The following DYNC2H1 variants were observed in gnomAD, a reference collection of about 807,000 sequenced individuals.
DYNC2H1 encodes cytoplasmic dynein 2 heavy chain 1.
DYNC2H1 carries 410 observed loss-of-function variants against 570.0 expected under a neutral mutation model. The ratio of observed to expected loss-of-function variants is 0.72; its 90% CI spans 0.66 to 0.78. The LOEUF (loss-of-function observed/expected upper bound fraction) is 0.78. DYNC2H1 is among the 30% of genes least tolerant of loss of function. The probability of loss-of-function intolerance (pLI) is 0.00; values close to 1 mark genes in which losing one functional copy is unlikely to be tolerated. For missense variants in DYNC2H1, 4,865 were observed against 5,046.4 expected (o/e 0.96, Z 1.09); for synonymous variants, 1,688 against 1,677.6 (o/e 1.01, Z -0.15).
chr11:103,342,338 T>C (rs1208783618), intron 82 of DYNC2H1, among the ~76,000 whole-genome samples: 1 of 152,020 alleles, frequency 6.6e-6, no homozygotes, highest in Non-Finnish European at 1.5e-5. Context: ...CAGCACTCTG[T>C]AAAATGGACC....
chr11:103,340,383 A>T (rs1939384721), intron 82 of DYNC2H1, among the ~76,000 whole-genome samples: 1 of 141,462 alleles, frequency 7.1e-6, no homozygotes, highest in South Asian at 2.4e-4. Flanking sequence ...TGACATTTTG[A>T]CATTGAGAAA....
chr11:103,128,818 T>C, intron 12 of DYNC2H1, 92 bp from the exon 13 acceptor site: 1 of 1,107,136 alleles, frequency 9.0e-7, no homozygotes, highest in Admixed American at 2.9e-5. Flanking sequence ...ATTTTAGGAT[T>C]GAGAAAAGTT....
intron 20 of DYNC2H1, among the ~76,000 whole-genome samples, chr11:103,150,649 C>T (rs1056510050): frequency 1.3e-5 from 2 of 152,142 alleles, no homozygotes; most frequent in African/African-American, 4.8e-5. Context: ...TTCTTTCTAT[C>T]TATGATACTT....
chr11:103,134,147 G>A (rs751369044), intron 14 of DYNC2H1, among the ~76,000 whole-genome samples, 174 bp from the exon 15 acceptor site: 2 of 152,154 alleles, frequency 1.3e-5, no homozygotes, highest in Non-Finnish European at 2.9e-5. Flanking sequence ...GGCAGGAATA[G>A]CACAGAAGTG....
intron 84 of DYNC2H1, among the ~76,000 whole-genome samples, chr11:103,427,293 A>T (rs1454013873): frequency 6.6e-6 from 1 of 152,150 alleles, no homozygotes; most frequent in Non-Finnish European, 1.5e-5. Flanking sequence ...AGTAAATATT[A>T]TTTCAATAAA....
At chr11:103,432,430 A>G (rs572602998) in intron 84 of DYNC2H1, among the ~76,000 whole-genome samples, 3 of 152,250 alleles carry the variant, frequency 2.0e-5, no homozygotes, top group Non-Finnish European at 2.9e-5. Flanking sequence ...ATAACTGGCC[A>G]CTATGTCCTC....
intron 75 of DYNC2H1, among the ~76,000 whole-genome samples, chr11:103,291,363 CA>C (rs1866589886): frequency 6.6e-6 from 1 of 152,066 alleles, no homozygotes; most frequent in Non-Finnish European, 1.5e-5. Flanking sequence ...GCTTGACCCA[CA>C]AGGCGAAGGG....
rs1310414953 is a variant in DYNC2H1, at chr11:103,184,824, G to A, written c.6478-72G>A. ...TTCTTGAAAAGGTATGTGAACATCA[G>A]TCTGTATGGTTCTATGTTTACTGGT... is the stretch of plus-strand genomic sequence containing the variant. On this transcript the variant is annotated intron_variant, in intron 40 of 88. Coordinates refer to ENST00000375735, the MANE Select transcript of DYNC2H1 (RefSeq NM_001377.3). 63 of 1,512,042 alleles carry A rather than the reference G, an allele frequency of 4.2e-5. No individual in the cohort carries two copies. The East Asian group carries it at 1.4e-3, about 34-fold the overall frequency. 93.7% of individuals were successfully genotyped at this position (1,512,042 alleles called of 1,614,324 possible).
intron 22 of DYNC2H1, 75 bp downstream of exon 22, chr11:103,153,583 T>C (rs1860674003): frequency 1.6e-6 from 2 of 1,289,534 alleles, no homozygotes; most frequent in Non-Finnish European, 2.1e-6. Flanking sequence ...AATTTTCTTA[T>C]GTCTGTTATC....
intron 54 of DYNC2H1, among the ~76,000 whole-genome samples, chr11:103,212,935 T>A (rs974447595): frequency 3.3e-5 from 5 of 152,162 alleles, no homozygotes; most frequent in African/African-American, 1.2e-4. Flanking sequence ...AAAATTCATA[T>A]GGAAAAAACT....
intron 87 of DYNC2H1, among the ~76,000 whole-genome samples, chr11:103,458,952 G>A (rs1944896128): frequency 6.6e-6 from 1 of 151,906 alleles, no homozygotes; most frequent in Admixed American, 6.6e-5. Context: ...GATTACAGGC[G>A]TGAGCCATTG....
At chr11:103,194,874 C>T (rs1485786702) in intron 47 of DYNC2H1, among the ~76,000 whole-genome samples, 3 of 152,056 alleles carry the variant, frequency 2.0e-5, no homozygotes, top group Admixed American at 1.3e-4. Flanking sequence ...TGCACCACCT[C>T]GCCCAGCTAA....
Position 103,241,592 on chromosome 11 carries a change from G to T in DYNC2H1, c.9820-2101G>T. The T allele has an allele frequency of 6.8e-7, 1 of 1,470,800 alleles. No homozygotes were observed. 91.1% of individuals were successfully genotyped at this position (1,470,800 alleles called of 1,614,324 possible). A position where few individuals can be genotyped will look rare whatever the true frequency, so the allele number is the denominator to read the frequency against. ...TTAAAATAATTACTTTTGTAGTTAG[G>T]CAAAATGCAGAATTGTGAAATGTGT... On this transcript the variant is annotated intron_variant, in intron 63 of 88. Transcript: ENST00000375735. This position sits in a 1 kb window ranked among gnomAD's most constrained non-coding sequence, Gnocchi z 5.1.
intron 83 of DYNC2H1, among the ~76,000 whole-genome samples, chr11:103,386,450 CCA>C (rs111771901): frequency 4.0e-5 from 6 of 150,774 alleles, no homozygotes; most frequent in Admixed American, 2.6e-4. Context: ...TTAAAACACA[CCA>C]CACACACACA....
At chr11:103,154,211 G>A (rs1284438536) in intron 22 of DYNC2H1, among the ~76,000 whole-genome samples, 1 of 151,848 alleles carries the variant, frequency 6.6e-6, no homozygotes, top group Non-Finnish European at 1.5e-5. Flanking sequence ...TGGAAAAAAT[G>A]TATATTAATG....
intron 73 of DYNC2H1, among the ~76,000 whole-genome samples, chr11:103,284,191 C>T (rs995423624): frequency 2.0e-5 from 3 of 152,130 alleles, no homozygotes; most frequent in Non-Finnish European, 4.4e-5. Context: ...AATCCCTGTA[C>T]CCCTGATATT....
chr11:103,331,091 C>T (rs563665562), intron 82 of DYNC2H1, among the ~76,000 whole-genome samples: 2 of 152,070 alleles, frequency 1.3e-5, no homozygotes, highest in African/African-American at 2.4e-5. Flanking sequence ...ATGCAGTTGC[C>T]TAAAAAGAAG....
At chr11:103,219,857 A>T in intron 55 of DYNC2H1, 58 bp from the exon 56 acceptor site, 1 of 983,970 alleles carries the variant, frequency 1.0e-6, no homozygotes, top group Non-Finnish European at 1.5e-6. Flanking sequence ...TTTGGATTTC[A>T]TGCTTTTAAA....
chr11:103,307,929 ACTT>A (rs1867374133), intron 78 of DYNC2H1, 98 bp downstream of exon 78: 1 of 516,830 alleles, frequency 1.9e-6, no homozygotes, highest in Non-Finnish European at 3.3e-6. Context: ...AGAACACACA[ACTT>A]CTTTTTACAT....
Sources: allele counts gnomAD v4.1 joint callset (sites outside exome capture counted in the v4.1 genomes callset), GRCh38; gene constraint gnomAD v4.1.1; non-coding constraint Gnocchi (gnomAD v3.1); transcripts MANE v1.5; gene names NCBI Gene and HGNC (gene_info 2026-07-23, HGNC 2026-07-21).